COL4A3: variants seen among roughly 807,000 people sequenced by gnomAD.
The protein encoded by COL4A3 is collagen type IV alpha 3 chain, also known as collagen alpha-3(IV) chain.
In COL4A3, 135 loss-of-function variants were observed where a neutral mutation model predicts 217.4. That is an observed-to-expected ratio of 0.62 (90% CI 0.54 to 0.72). The LOEUF (loss-of-function observed/expected upper bound fraction) is 0.72. Ranked by LOEUF, COL4A3 falls within the 30% of genes least tolerant of loss-of-function variation. The pLI is 0.00. For missense variants in COL4A3, 1,868 were observed against 2,119.9 expected, an observed-to-expected ratio of 0.88 and a Z score of 2.33; for synonymous variants, 690 against 736.3, an observed-to-expected ratio of 0.94 and a Z score of 1.02.
intron 3 of COL4A3, 152 bp from the exon 4 acceptor site, chr2:227,244,168 G>A: frequency 1.4e-6 from 1 of 701,592 alleles, no homozygotes; most frequent in Non-Finnish European, 2.6e-6. Flanking sequence ...AAGTTCCAAT[G>A]AAATAAGCAA....
At chr2:227,305,158 C>CTA in intron 47 of COL4A3, 75 bp downstream of exon 47, 1 of 1,264,398 alleles carries the variant, frequency 7.9e-7, no homozygotes, top group South Asian at 1.3e-5. Context: ...GAGTGGGTGA[C>CTA]TATATGAGTT....
In COL4A3 at chr2:227,245,937, A is replaced by G. The variant is rs759125367; in HGVS notation, c.325-17A>G. On this transcript the variant is annotated splice_polypyrimidine_tract_variant and intron_variant, in intron 5 of 51. Transcript: ENST00000396578. The stretch of plus-strand genomic sequence containing the variant: ...TCTTGGGATGACCCTCCTCATTGAG[A>G]CTTGTTCTTCTTCCAGGGCACCCCA... The G allele has an allele frequency of 6.2e-7, 1 of 1,611,236 alleles. No homozygotes were observed. Among genetic ancestry groups the G allele is most frequent in the South Asian group, 1.1e-5 (1 of 91,024 alleles).
intron 1 of COL4A3, among the ~76,000 whole-genome samples, chr2:227,210,916 T>C (rs1334175853): frequency 6.6e-6 from 1 of 152,238 alleles, no homozygotes; most frequent in Admixed American, 6.5e-5. Context: ...TGCATGCATT[T>C]GTTGTGACTT....
intron 1 of COL4A3, among the ~76,000 whole-genome samples, chr2:227,167,171 T>C (rs2065308251): frequency 6.6e-6 from 1 of 152,244 alleles, no homozygotes; most frequent in Non-Finnish European, 1.5e-5. Context: ...GGAGCCATTA[T>C]ATTTTATTAT....
At chr2:227,220,822 C>T (rs1422164035) in intron 1 of COL4A3, among the ~76,000 whole-genome samples, 2 of 152,192 alleles carry the variant, frequency 1.3e-5, no homozygotes, top group Non-Finnish European at 2.9e-5. Context: ...CAGGAAATTT[C>T]AACTACATTG....
chr2:227,270,639 G>A (rs530508586), intron 24 of COL4A3, 131 bp from the exon 25 acceptor site: 11 of 848,808 alleles, frequency 1.3e-5, no homozygotes, highest in Middle Eastern at 3.5e-4. Flanking sequence ...TGTAATAATA[G>A]TTGTGGACCA....
intron 26 of COL4A3, among the ~76,000 whole-genome samples, 195 bp downstream of exon 26, chr2:227,273,312 A>T (rs2071356630): frequency 6.6e-6 from 1 of 152,226 alleles, no homozygotes; most frequent in South Asian, 2.1e-4. Context: ...TTACTGGGCA[A>T]TTCAACTGAA....
At chr2:227,274,435 C>T (rs887226705) in intron 26 of COL4A3, among the ~76,000 whole-genome samples, 2 of 150,778 alleles carry the variant, frequency 1.3e-5, no homozygotes, top group African/African-American at 4.9e-5. Context: ...TATTTTATGA[C>T]TTTCTCTATA....
chr2:227,273,303 T>C (rs1312272997), intron 26 of COL4A3, among the ~76,000 whole-genome samples, 186 bp downstream of exon 26: 3 of 152,216 alleles, frequency 2.0e-5, no homozygotes, highest in Non-Finnish European at 4.4e-5. Context: ...TTTTCTCCAT[T>C]ACTGGGCAAT....
At chr2:227,218,205 G>A (rs972406612) in intron 1 of COL4A3, among the ~76,000 whole-genome samples, 1 of 151,630 alleles carries the variant, frequency 6.6e-6, no homozygotes, top group Non-Finnish European at 1.5e-5. Context: ...AGTGGCTCAC[G>A]CCTGTAATCG....
In COL4A3 at chr2:227,259,843, C is replaced by A; in HGVS notation, c.1080C>A (p.Gly360=). ...AAAAGGGAGATGAAGGCACTCCAGG[C>A]CCACCAGGGCCCAGAGGAGCTCGTG... ...YQEKGDEGTP[G]PPGPRGARGP... is the part of the protein sequence containing the mutation. Residue 360 remains glycine (G), a synonymous_variant, in exon 19 of 52, where the codon GGC becomes GGA. Transcript: ENST00000396578. The A allele has an allele frequency of 6.2e-7, 1 of 1,613,680 alleles. No homozygotes were observed. The highest frequency in any genetic ancestry group is 8.5e-7 in the Non-Finnish European group (1 of 1,179,566).
chr2:227,165,736 A>C (rs574828693), intron 1 of COL4A3, among the ~76,000 whole-genome samples: 73 of 152,358 alleles, frequency 4.8e-4, no homozygotes, highest in African/African-American at 1.6e-3. Context: ...CGGTCACATA[A>C]ATATTTATAT....
chr2:227,210,777 A>T (rs542567520), intron 1 of COL4A3, among the ~76,000 whole-genome samples: 1 of 152,280 alleles, frequency 6.6e-6, no homozygotes, highest in Non-Finnish European at 1.5e-5. Flanking sequence ...TCAGACTTTT[A>T]TGTTACCTAT....
At chr2:227,194,145 T>C (rs1383132872) in intron 1 of COL4A3, among the ~76,000 whole-genome samples, 3 of 151,744 alleles carry the variant, frequency 2.0e-5, no homozygotes, top group Non-Finnish European at 2.9e-5. Context: ...CAAAGAGTCT[T>C]CTGAAGAAAA....
rs999826591 is a variant in COL4A3 at position 227,254,119 on chromosome 2, A to G, written c.773A>G (p.Lys258Arg). ...LTGPDNRTDL[K>R]GEKGDKGAMG... ...GAACTGTTTCTTTGGCAGGACCTCA[A>G]GGGGGAAAAGGGAGACAAGGGAGCA... is the stretch of plus-strand genomic sequence containing the variant. Residue 258 changes from lysine (K) to arginine (R), a missense_variant, in exon 14 of 52, where the codon AAG becomes AGG. Physicochemically the swap from Lys to Arg is conservative, Grantham distance 26. This residue lies in a region of COL4A3 where 365 missense variants were observed against 333.8 expected (regional missense o/e 1.09). Transcript: ENST00000396578. 3.7e-6 allele frequency: 6 copies of G among 1,613,866 alleles called. No individual in the cohort carries two copies. The highest frequency in any genetic ancestry group is 5.1e-6 in the Non-Finnish European group (6 of 1,179,820).
intron 1 of COL4A3, among the ~76,000 whole-genome samples, chr2:227,199,386 A>G (rs905327703): frequency 6.6e-6 from 1 of 152,192 alleles, no homozygotes; most frequent in Non-Finnish European, 1.5e-5. Flanking sequence ...CTGGCATACT[A>G]TCATCCTAGA....
intron 11 of COL4A3, 42 bp downstream of exon 11, chr2:227,251,413 C>G: frequency 6.3e-7 from 1 of 1,597,028 alleles, no homozygotes. Context: ...GCACACCCTA[C>G]TCAATCTCAA....
chr2:227,291,593 CAAAAAAAA>C (rs869124557), intron 37 of COL4A3, among the ~76,000 whole-genome samples: 1 of 47,956 alleles, frequency 2.1e-5, no homozygotes, highest in African/African-American at 5.2e-5. Flanking sequence ...AAAAAAAAAA[CAAAAAAAA>C]AAACACTTGT....
At chr2:227,233,873 A>C (rs1044666096) in intron 1 of COL4A3, among the ~76,000 whole-genome samples, 1 of 152,150 alleles carries the variant, frequency 6.6e-6, no homozygotes, top group African/African-American at 2.4e-5. Context: ...CCACTTGTTG[A>C]CATCAGGCCT....
Sources: gnomAD v4.1 joint callset for allele counts (sites outside exome capture counted in the v4.1 genomes callset) on GRCh38, gnomAD v4.1.1 for gene constraint, gnomAD v4.1.1 regional missense constraint, MANE v1.5 for transcripts, NCBI Gene and HGNC (gene_info 2026-07-23, HGNC 2026-07-21) for gene names.